The following CSMD3 variants were observed in gnomAD, a reference collection of about 807,000 sequenced individuals.
CSMD3 encodes the protein CUB and sushi domain-containing protein 3.
CSMD3 carries 177 observed loss-of-function variants against 435.2 expected under a neutral mutation model. The ratio of observed to expected loss-of-function variants is 0.41; its 90% confidence interval spans 0.36 to 0.46. The LOEUF is 0.46. Ranked by LOEUF, CSMD3 falls within the 20% of genes least tolerant of loss-of-function variation. CSMD3 has a pLI of 0.34. For synonymous variants in CSMD3, 1,656 were observed against 1,520.5 expected (o/e 1.09, Z -2.07); for missense variants, 4,265 against 4,504.6 (o/e 0.95, Z 1.52).
chr8:112,413,835 CCTGA>C (rs1811616392), intron 32 of CSMD3, among the ~76,000 whole-genome samples: 1 of 152,116 alleles, frequency 6.6e-6, no homozygotes, highest in Non-Finnish European at 1.5e-5. Flanking sequence ...CCAACTAGGC[CCTGA>C]CTATTTTACT....
At chr8:112,414,524 C>T (rs1811701941) in intron 32 of CSMD3, among the ~76,000 whole-genome samples, 1 of 152,076 alleles carries the variant, frequency 6.6e-6, no homozygotes, top group African/African-American at 2.4e-5. Context: ...TATAAATTAC[C>T]TAATCTTGGG....
At chr8:112,555,387 T>A (rs1040746549) in intron 25 of CSMD3, among the ~76,000 whole-genome samples, 1 of 152,004 alleles carries the variant, frequency 6.6e-6, no homozygotes, top group African/African-American at 2.4e-5. Context: ...ATTTATGGTA[T>A]TGTGCTATTA....
intron 13 of CSMD3, among the ~76,000 whole-genome samples, chr8:112,764,327 A>T (rs780109351): frequency 9.9e-5 from 15 of 151,470 alleles, no homozygotes; most frequent in Non-Finnish European, 2.1e-4. Flanking sequence ...GATTCTTTGG[A>T]GTTTTAATAA....
At chr8:113,318,430 G>C (rs2132692514) in intron 1 of CSMD3, among the ~76,000 whole-genome samples, 1 of 152,024 alleles carries the variant, frequency 6.6e-6, no homozygotes, top group Admixed American at 6.6e-5. Context: ...TTTTTTGTTT[G>C]ACAAGAGTAG....
chr8:112,336,768 A>C lies in CSMD3; in HGVS notation c.6903T>G (p.Asp2301Glu), dbSNP rs372949789. The change falls in exon 44 of 71, where the codon GAT becomes GAG. Residue 2301 changes from aspartate to glutamate, a missense_variant. Asp to Glu is a conservative substitution (Grantham distance 45). Coordinates refer to ENST00000297405, the MANE Select transcript of CSMD3 (RefSeq NM_198123.2). ...AACAATCTTGAAAGTTTGGATATTC[A>C]TCAGGATACCCAGGAGAATAAATGG... ...NGTIYSPGYP[D>E]EYPNFQDCFW... 5 of 1,612,774 alleles carry C rather than the reference A, an allele frequency of 3.1e-6. No individual in the cohort carries two copies. Among genetic ancestry groups the C allele is most frequent in the Non-Finnish European group, 4.2e-6 (5 of 1,178,978 alleles).
chr8:112,976,230 T>C, intron 6 of CSMD3, 82 bp from the exon 7 acceptor site: 1 of 1,447,218 alleles, frequency 6.9e-7, no homozygotes. Context: ...ATCAATCATA[T>C]TCTCTTCTAT....
intron 13 of CSMD3, among the ~76,000 whole-genome samples, chr8:112,717,014 G>C (rs896751041): frequency 6.6e-6 from 1 of 152,114 alleles, no homozygotes; most frequent in African/African-American, 2.4e-5. Context: ...CATGGGTAAA[G>C]ATTTCATGAT....
At chr8:112,271,841 G>A (rs1313520885) in intron 59 of CSMD3, among the ~76,000 whole-genome samples, 1 of 152,110 alleles carries the variant, frequency 6.6e-6, no homozygotes, top group Non-Finnish European at 1.5e-5. Flanking sequence ...TTAGTGCTAT[G>A]GTTTTAATAT....
intron 6 of CSMD3, among the ~76,000 whole-genome samples, chr8:112,993,965 T>C (rs1376674868): frequency 6.6e-6 from 1 of 151,794 alleles, no homozygotes; most frequent in Non-Finnish European, 1.5e-5. Context: ...AAATCTATAG[T>C]GAAGTTTCAA....
At chr8:113,352,221 C>A (rs2094194729) in intron 1 of CSMD3, among the ~76,000 whole-genome samples, 1 of 151,976 alleles carries the variant, frequency 6.6e-6, no homozygotes, top group Non-Finnish European at 1.5e-5. Context: ...AATAGACCAT[C>A]CTGCATTGGG....
chr8:112,437,587 G>GTA lies in CSMD3; in HGVS notation c.5396-28557_5396-28556dup, dbSNP rs146643540. 8.2e-3 allele frequency among the ~76,000 whole-genome samples: 1,250 copies of GTA among 151,564 alleles called. 15 individuals carry two copies. Among genetic ancestry groups the GTA allele is most frequent in the African/African-American group, 0.027 (1,108 of 41,372 alleles). On this transcript the variant is annotated intron_variant, in intron 32 of 70. Transcript: ENST00000297405. Reference sequence around the variant, plus strand: ...GCCATATATATATGTGTGTGTGTATGTATATATATATACACAGATCTGAAT... The same window carrying GTA: ...GCCATATATATATGTGTGTGTGTATGTATATATATATATACACAGATCTGAAT...
intron 4 of CSMD3, among the ~76,000 whole-genome samples, chr8:113,170,839 A>G (rs991155083): frequency 2.0e-5 from 3 of 152,104 alleles, no homozygotes; most frequent in African/African-American, 7.2e-5. Context: ...GGGTAGACTA[A>G]AGTTAATCAG....
At chr8:112,757,875 G>A (rs1009034228) in intron 13 of CSMD3, among the ~76,000 whole-genome samples, 4 of 151,864 alleles carry the variant, frequency 2.6e-5, no homozygotes, top group East Asian at 2.0e-4. Context: ...GCAACATGAC[G>A]AGACCCCATC....
At chr8:112,862,524 A>G (rs1409310420) in intron 10 of CSMD3, among the ~76,000 whole-genome samples, 11 of 152,052 alleles carry the variant, frequency 7.2e-5, no homozygotes, top group Non-Finnish European at 1.6e-4. Context: ...GAAGACATGT[A>G]GAACAGACCT....
chr8:112,300,888 T>C (rs1291651757), intron 53 of CSMD3, among the ~76,000 whole-genome samples: 2 of 152,226 alleles, frequency 1.3e-5, no homozygotes, highest in African/African-American at 2.4e-5. Context: ...TATAAACTTT[T>C]CTGCCATGTG....
chr8:113,186,654 A>G (rs1440848110), intron 3 of CSMD3, among the ~76,000 whole-genome samples: 1 of 151,932 alleles, frequency 6.6e-6, no homozygotes, highest in East Asian at 2.0e-4. Context: ...TTTCCATTTT[A>G]TTATGGAACT....
chr8:112,900,414 C>T (rs571252628), intron 10 of CSMD3, among the ~76,000 whole-genome samples: 1 of 151,320 alleles, frequency 6.6e-6, no homozygotes, highest in South Asian at 2.1e-4. Context: ...ATAGTGCCTG[C>T]CCTTTATAAA....
At chr8:112,502,644 G>A (rs985389995) in intron 30 of CSMD3, among the ~76,000 whole-genome samples, 1 of 151,268 alleles carries the variant, frequency 6.6e-6, no homozygotes, top group Non-Finnish European at 1.5e-5. Flanking sequence ...AAATGCAAAA[G>A]GAGTTTCCAT....
At chr8:112,736,327 C>T (rs1233497219) in intron 13 of CSMD3, among the ~76,000 whole-genome samples, 8 of 151,988 alleles carry the variant, frequency 5.3e-5, no homozygotes, top group African/African-American at 1.9e-4. Flanking sequence ...CCTGGTAACT[C>T]AGCTAAAATC....
Sources: gnomAD v4.1 joint callset for allele counts (sites outside exome capture counted in the v4.1 genomes callset) on GRCh38, gnomAD v4.1.1 for gene constraint, MANE v1.5 for transcripts, NCBI Gene and HGNC (gene_info 2026-07-23, HGNC 2026-07-21) for gene names.